The following SPATA16 variants were observed in gnomAD, a reference collection of about 807,000 sequenced individuals.
SPATA16 encodes spermatogenesis-associated protein 16.
A neutral mutation model predicts 63.3 loss-of-function variants in SPATA16; 36 were observed. That is an observed-to-expected ratio of 0.57 (90% CI 0.44 to 0.75). The LOEUF is 0.75. Among genes scored for constraint, SPATA16 ranks in the 30% least tolerant of loss-of-function variants. The pLI, the probability that SPATA16 is intolerant of heterozygous loss-of-function variation, is 0.00. For missense variants in SPATA16, 646 were observed against 679.3 expected (o/e 0.95, Z 0.54); for synonymous variants, 203 against 216.7 (o/e 0.94, Z 0.56).
chr3:173,030,270 A>G (rs1735574709), intron 3 of SPATA16, among the ~76,000 whole-genome samples: 1 of 152,136 alleles, frequency 6.6e-6, no homozygotes, highest in South Asian at 2.1e-4. Flanking sequence ...TCAAAGGACA[A>G]TATAAACAGA....
At chr3:173,044,843 AT>A (rs1735921702) in intron 3 of SPATA16, among the ~76,000 whole-genome samples, 1 of 151,884 alleles carries the variant, frequency 6.6e-6, no homozygotes, top group South Asian at 2.1e-4. Context: ...GCTTAGTTGT[AT>A]TTTTTGTTAA....
At chr3:173,129,689 T>A (rs1008953140) in intron 1 of SPATA16, among the ~76,000 whole-genome samples, 2 of 152,150 alleles carry the variant, frequency 1.3e-5, no homozygotes, top group African/African-American at 4.8e-5. Context: ...TCTGTATAAT[T>A]TTTCTTCTTA....
chr3:173,043,022 A>C (rs1309805076), intron 3 of SPATA16, among the ~76,000 whole-genome samples: 4 of 152,074 alleles, frequency 2.6e-5, no homozygotes, highest in Non-Finnish European at 5.9e-5. Context: ...TTTATTGTAT[A>C]GTGTATCATT....
At chr3:173,063,488 G>T (rs2108302142) in intron 2 of SPATA16, among the ~76,000 whole-genome samples, 1 of 152,294 alleles carries the variant, frequency 6.6e-6, no homozygotes, top group African/African-American at 2.4e-5. Flanking sequence ...CGGTGATGAA[G>T]GCCTTGGTTA....
At chr3:172,942,731 A>G (rs1172536782) in intron 6 of SPATA16, among the ~76,000 whole-genome samples, 1 of 152,186 alleles carries the variant, frequency 6.6e-6, no homozygotes, top group African/African-American at 2.4e-5. Flanking sequence ...AAATTAAAAA[A>G]TGACATTCTT....
At chr3:172,979,027 GGA>G (rs1734233569) in intron 4 of SPATA16, among the ~76,000 whole-genome samples, 1 of 152,168 alleles carries the variant, frequency 6.6e-6, no homozygotes, top group African/African-American at 2.4e-5. Context: ...CATGAGGTCA[GGA>G]GATCGAGACC....
intron 5 of SPATA16, among the ~76,000 whole-genome samples, chr3:172,966,314 C>T (rs1396068937): frequency 6.6e-6 from 1 of 152,192 alleles, no homozygotes; most frequent in African/African-American, 2.4e-5. Flanking sequence ...CAACCTCCAC[C>T]TGATGAAGAA....
At chr3:172,918,203 C>T (rs911908753) in intron 8 of SPATA16, among the ~76,000 whole-genome samples, 36 of 152,268 alleles carry the variant, frequency 2.4e-4, no homozygotes, top group African/African-American at 8.4e-4. Context: ...AAACGGTTTT[C>T]ATTCTGAAGA....
chr3:173,028,013 C>CCCTCCCTCCCTCCCTCCCTTCCTTCCTT (rs1560100953), intron 3 of SPATA16, among the ~76,000 whole-genome samples: 1 of 35,038 alleles, frequency 2.9e-5, no homozygotes, highest in Admixed American at 3.7e-4. Context: ...CTCCCTCCCT[C>CCCTCCCTCCCTCCCTCCCTTCCTTCCTT]CCTTCCTTCT....
intron 2 of SPATA16, among the ~76,000 whole-genome samples, chr3:173,057,513 A>G (rs1398454): frequency 0.2 from 30,515 of 151,980 alleles, 3,692 homozygotes; most frequent in African/African-American, 0.35. Context: ...CTCTTTCAGG[A>G]GAGTGCTTCA....
rs148318828 is a variant in SPATA16 at position 173,103,818 on chromosome 3, G to C, written c.612+13302C>G. Among the ~76,000 whole-genome samples, 5 of 152,342 alleles carry C rather than the reference G, an allele frequency of 3.3e-5. No individual in the cohort carries two copies. In the East Asian group the frequency reaches 9.6e-4, roughly 29 times the overall value. On this transcript the variant is annotated intron_variant, in intron 2 of 10. Transcript: ENST00000351008. The stretch of plus-strand genomic sequence containing the variant: ...CAAGTGGTTGCTCTGCAGCCTGCTT[G>C]AATTCCTTTCCTGACAATGCTTTTT...
chr3:173,033,281 C>T (rs150134337), intron 3 of SPATA16, among the ~76,000 whole-genome samples: 6 of 152,118 alleles, frequency 3.9e-5, no homozygotes, highest in African/African-American at 1.4e-4. Flanking sequence ...ATAGAGTGAA[C>T]GTGAAATAAA....
chr3:173,032,628 C>T (rs772850664), intron 3 of SPATA16, among the ~76,000 whole-genome samples: 3 of 152,112 alleles, frequency 2.0e-5, no homozygotes, highest in East Asian at 1.9e-4. Context: ...TACCAGTTAA[C>T]ATGCATCAAA....
chr3:172,968,416 C>T (rs1240663654), intron 5 of SPATA16, among the ~76,000 whole-genome samples: 1 of 151,848 alleles, frequency 6.6e-6, no homozygotes, highest in African/African-American at 2.4e-5. Flanking sequence ...AACTCATTTT[C>T]GAAAAAAACT....
intron 6 of SPATA16, among the ~76,000 whole-genome samples, chr3:172,934,343 A>G (rs1156257060): frequency 6.6e-6 from 1 of 152,160 alleles, no homozygotes; most frequent in Non-Finnish European, 1.5e-5. Context: ...AGATAAGAAA[A>G]AGTGTAAAGT....
At chr3:172,979,294 C>T (rs1314897848) in intron 4 of SPATA16, among the ~76,000 whole-genome samples, 1 of 152,074 alleles carries the variant, frequency 6.6e-6, no homozygotes, top group Non-Finnish European at 1.5e-5. Flanking sequence ...AGCCACAGTG[C>T]CCCTTGGATA....
chr3:172,949,993 AC>A (rs1426748333), intron 6 of SPATA16, among the ~76,000 whole-genome samples: 1 of 152,192 alleles, frequency 6.6e-6, no homozygotes, highest in Non-Finnish European at 1.5e-5. Flanking sequence ...ATACCCCATT[AC>A]AACTGCCTAC....
At chr3:173,021,158 G>A (rs187310499) in intron 3 of SPATA16, among the ~76,000 whole-genome samples, 28 of 152,256 alleles carry the variant, frequency 1.8e-4, no homozygotes, top group Admixed American at 1.0e-3. Flanking sequence ...TCATAGAATC[G>A]TATGATGATG....
chr3:173,056,950 C>T (rs1736246717), intron 2 of SPATA16, among the ~76,000 whole-genome samples: 2 of 151,732 alleles, frequency 1.3e-5, no homozygotes, highest in African/African-American at 2.4e-5. Flanking sequence ...TTACTACTAC[C>T]GTGAGTCCAC....
Sources: allele counts gnomAD v4.1 joint callset (sites outside exome capture counted in the v4.1 genomes callset), GRCh38; gene constraint gnomAD v4.1.1; transcripts MANE v1.5; gene names NCBI Gene and HGNC (gene_info 2026-07-23, HGNC 2026-07-21).